Variants in DDX54 observed in about 807,000 individuals in gnomAD.
DDX54 encodes the protein ATP-dependent RNA helicase DDX54.
In DDX54, 67 loss-of-function variants were observed where a neutral mutation model predicts 105.5. The ratio of observed to expected loss-of-function variants is 0.64; its 90% CI spans 0.52 to 0.78. The LOEUF (loss-of-function observed/expected upper bound fraction) is 0.78, where lower values mean the gene tolerates loss of function less well. Ranked by LOEUF, DDX54 falls within the 30% of genes least tolerant of loss-of-function variation. The probability of loss-of-function intolerance (pLI) is 0.00; values close to 1 mark genes in which losing one functional copy is unlikely to be tolerated. For synonymous variants in DDX54, 514 were observed against 509.9 expected, an observed-to-expected ratio of 1.01 and a Z score of -0.11; for missense variants, 1,206 against 1,230.5, an observed-to-expected ratio of 0.98 and a Z score of 0.30.
rs1952152843 is a variant in DDX54, at chr12:113,157,894, T to C, written c.*983A>G. On this transcript the variant is annotated 3_prime_UTR_variant, in exon 20 of 20. Coordinates refer to ENST00000306014, the MANE Select transcript of DDX54 (RefSeq NM_024072.4). Reference sequence around the variant, plus strand: ...AATGCAGGCCCTGATGAGGAGGTGATGGGAAGGTCAAGGGGCTATGTGTGG... The same window carrying C: ...AATGCAGGCCCTGATGAGGAGGTGACGGGAAGGTCAAGGGGCTATGTGTGG... 1 of 590,854 alleles carries C rather than the reference T, an allele frequency of 1.7e-6. No individual in the cohort carries two copies. The highest frequency in any genetic ancestry group is 2.9e-5 in the Admixed American group (1 of 34,792). The allele number at this position is 590,854 out of a possible 1,614,324, so 36.6% of individuals were successfully genotyped here.
In DDX54 at chr12:113,177,038, A is replaced by T; in HGVS notation, c.656+14T>A. The T allele has an allele frequency of 1.2e-6, 2 of 1,614,134 alleles. No individual in the cohort carries two copies. The highest frequency in any genetic ancestry group is 1.7e-6 in the Non-Finnish European group (2 of 1,180,020). On this transcript the variant is annotated intron_variant, in intron 6 of 19. Transcript: ENST00000306014. ...AAGGGATCTCAGGGAGTCATCCCCA[A>T]TCCACAAACTCACATGTCGGGATTT...
At chr12:113,181,958 G>A (rs1476204362) in intron 1 of DDX54, among the ~76,000 whole-genome samples, 1 of 151,550 alleles carries the variant, frequency 6.6e-6, no homozygotes, top group Non-Finnish European at 1.5e-5. Flanking sequence ...TCCCAGACTA[G>A]CCTGGGCAAC....
rs373845756 is a variant in DDX54, at chr12:113,162,027, G to A, written c.2196-30C>T. ...AGGAGAGGGAGTTGGGACGGCTGCC[G>A]TGGAGGGAAACCCTTGGAGTGCCGG... On this transcript the variant is annotated intron_variant, in intron 17 of 19. Transcript: ENST00000306014. 1.6e-5 allele frequency: 26 copies of A among 1,605,874 alleles called. No homozygotes were observed. The African/African-American group carries it at 2.8e-4, about 17-fold the overall frequency.
intron 14 of DDX54, among the ~76,000 whole-genome samples, chr12:113,165,131 G>A (rs967424794): frequency 3.9e-5 from 6 of 152,130 alleles, no homozygotes; most frequent in African/African-American, 1.2e-4. Flanking sequence ...CTTCAAAACC[G>A]GTGCTCTTAA....
chr12:113,161,382 G>A lies in DDX54; in HGVS notation c.2301C>T (p.Leu767=), dbSNP rs763025089. The A allele has an allele frequency of 2.4e-5, 38 of 1,611,078 alleles. No individual in the cohort carries two copies. Among genetic ancestry groups the A allele is most frequent in the Non-Finnish European group, 3.2e-5 (38 of 1,178,430 alleles). ...TCTGTTTCTGTTTCCACTTCTGATA[G>A]CTGGGAAACCTCGTTAAGGAAGCTG... ...RYISSSYKRD[L]YQKWKQKQKI... is the part of the protein sequence containing the mutation. Residue 767 remains leucine (L), a splice_region_variant and synonymous_variant, in exon 19 of 20, where the codon CTC becomes CTT. Coordinates refer to ENST00000306014, the MANE Select transcript of DDX54 (RefSeq NM_024072.4).
chr12:113,157,254 G>A lies in DDX54; in HGVS notation c.*1623C>T, dbSNP rs1197547575. On this transcript the variant is annotated 3_prime_UTR_variant, in exon 20 of 20. Coordinates refer to ENST00000306014, the MANE Select transcript of DDX54 (RefSeq NM_024072.4). ...TTAAAACAAAAGGAGAGCCACCCAC[G>A]GAGATAAGAGTAGGTCACAAACCAA... is the stretch of plus-strand genomic sequence containing the variant. The A allele has an allele frequency of 1.1e-5, 3 of 262,054 alleles. No individual in the cohort carries two copies. The highest frequency in any genetic ancestry group is 4.9e-5 in the Admixed American group (1 of 20,354). 16.2% of individuals were successfully genotyped at this position (262,054 alleles called of 1,614,324 possible).
In DDX54 at chr12:113,174,633, T is replaced by C. The variant is rs1566098260; in HGVS notation, c.1068+7A>G. 1.3e-5 allele frequency: 21 copies of C among 1,610,826 alleles called. No homozygotes were observed. Among genetic ancestry groups the C allele is most frequent in the Non-Finnish European group, 1.8e-5 (21 of 1,177,384 alleles). On this transcript the variant is annotated splice_region_variant and intron_variant, in intron 10 of 19. Transcript: ENST00000306014. ...GAGGTGCTCCTCCCACTCAGGACCC[T>C]GCTCACCTCAGTGAGGTACTCGGCG...
chr12:113,157,584 C>A lies in DDX54; in HGVS notation c.*1293G>T. ...TGACTCTGGGGCTGGGATGTGACTT[C>A]GTGCTGGGCCCCCCCAGGTGAAGCT... On this transcript the variant is annotated 3_prime_UTR_variant, in exon 20 of 20. Coordinates refer to ENST00000306014, the MANE Select transcript of DDX54 (RefSeq NM_024072.4). 6.4e-7 allele frequency: 1 copy of A among 1,550,842 alleles called. No homozygotes were observed. Among genetic ancestry groups the A allele is most frequent in the African/African-American group, 1.4e-5 (1 of 73,176 alleles).
chr12:113,157,265 T>G lies in DDX54; in HGVS notation c.*1612A>C. The G allele has an allele frequency of 3.4e-6, 1 of 294,858 alleles. No individual in the cohort carries two copies. 18.3% of individuals were successfully genotyped at this position (294,858 alleles called of 1,614,324 possible). ...GGAGAGCCACCCACGGAGATAAGAG[T>G]AGGTCACAAACCAATGAATATGACT... On this transcript the variant is annotated 3_prime_UTR_variant, in exon 20 of 20. Coordinates refer to ENST00000306014, the MANE Select transcript of DDX54 (RefSeq NM_024072.4).
In DDX54 at chr12:113,177,416, A is replaced by C. The variant is rs1436790586; in HGVS notation, c.615-323T>G. ...CAGTGCCCCCAGCAACTAACCCCAG[A>C]ACTACCAGCCCCAACTAGAACCCAG... On this transcript the variant is annotated intron_variant, in intron 5 of 19. Transcript: ENST00000306014. 1.3e-5 allele frequency: 4 copies of C among 302,872 alleles called. No individual in the cohort carries two copies. In the East Asian group the frequency reaches 2.6e-4, roughly 19 times the overall value. The allele number at this position is 302,872 out of a possible 1,614,324, so 18.8% of individuals were successfully genotyped here.
At chr12:113,168,342 C>T (rs563384505) in intron 12 of DDX54, among the ~76,000 whole-genome samples, 6 of 152,328 alleles carry the variant, frequency 3.9e-5, no homozygotes, top group South Asian at 2.1e-4. Context: ...CGGAGGAAGC[C>T]GCCTCAGCTC....
In DDX54 at chr12:113,158,917, C is replaced by A; in HGVS notation, c.2606G>T (p.Gly869Val). The part of the protein sequence containing the change: ...QELQQGAFGR[G>V]ARSKKGKMRK... ...CATCTTGCCCTTCTTGGAGCGGGCACCCCGGCCGAAGGCGCCCTGCTGCAG... is the reference window on the plus strand; with the variant it reads ...CATCTTGCCCTTCTTGGAGCGGGCAACCCGGCCGAAGGCGCCCTGCTGCAG... Residue 869 changes from glycine to valine, a missense_variant, in exon 20 of 20, where the codon GGT becomes GTT. Physicochemically the swap from Gly to Val is moderately radical, Grantham distance 109. Around this residue, in one of 3 missense-constraint regions of DDX54, gnomAD observed 961 missense variants for 1,019.1 expected, o/e 0.94. Coordinates refer to ENST00000306014, the MANE Select transcript of DDX54 (RefSeq NM_024072.4). This position sits in a 1 kb window ranked among gnomAD's most constrained non-coding sequence, Gnocchi z 4.9. 2.5e-6 allele frequency: 4 copies of A among 1,608,664 alleles called. No individual in the cohort carries two copies. The highest frequency in any genetic ancestry group is 2.7e-5 in the African/African-American group (2 of 74,968).
intron 12 of DDX54, among the ~76,000 whole-genome samples, chr12:113,168,227 G>A (rs900995572): frequency 6.6e-6 from 1 of 152,242 alleles, no homozygotes; most frequent in African/African-American, 2.4e-5. Context: ...AGGGGGCCGT[G>A]GCCTGGACAG....
rs965942490 is a variant in DDX54 at position 113,175,106 on chromosome 12, G to A, written c.804C>T (p.Leu268=). The A allele has an allele frequency of 2.5e-6, 4 of 1,613,744 alleles. No individual in the cohort carries two copies. Among genetic ancestry groups the A allele is most frequent in the Non-Finnish European group, 3.4e-6 (4 of 1,179,996 alleles). Residue 268 remains leucine (L), a synonymous_variant, in exon 8 of 20, where the codon CTC becomes CTT. Transcript: ENST00000306014. The stretch of plus-strand genomic sequence containing the variant: ...ACAGCACCGTCTGGTGGCCCCCGGG[G>A]AGGCGGGCGATGATCTCCTGCAGCT... The part of the protein sequence containing the change: ...AEQLQEIIAR[L]PGGHQTVLFS...
rs1159160888 is a variant in DDX54, at chr12:113,171,407, C to T, written c.1279+946G>A. ...ACTTGAGGTTAGGAGTTCAAGACCA[C>T]CTTGGCCAACATGGTGAAACCCCTG... On this transcript the variant is annotated intron_variant, in intron 11 of 19. Transcript: ENST00000306014. 2.0e-5 allele frequency among the ~76,000 whole-genome samples: 3 copies of T among 151,912 alleles called. No homozygotes were observed. The East Asian group carries it at 5.8e-4, about 29-fold the overall frequency.
chr12:113,169,669 C>G, intron 12 of DDX54, 101 bp downstream of exon 12: 6 of 1,331,008 alleles, frequency 4.5e-6, no homozygotes, highest in Non-Finnish European at 6.2e-6. Context: ...TAAAAGGAAT[C>G]ATCTTCTGCT....
At position 113,161,926 on chromosome 12, in the gene DDX54, C is replaced by T. The variant is rs1220970318; in HGVS notation, c.2267G>A (p.Gly756Asp). ...CTTGTAGGAGCTGCTGATGTAGCGG[C>T]CGCTCTCTGTCTTAATCTTCTTCTT... is the stretch of plus-strand genomic sequence containing the variant. Reference protein sequence around the residue: ...EDKKKIKTESGRYISSSYKRD... With the variant: ...EDKKKIKTESDRYISSSYKRD... Residue 756 changes from glycine to aspartate, a missense_variant, in exon 18 of 20, where the codon GGC becomes GAC. Around this residue, in one of 3 missense-constraint regions of DDX54, gnomAD observed 961 missense variants for 1,019.1 expected, o/e 0.94. Transcript: ENST00000306014. 2 of 1,612,966 alleles carry T rather than the reference C, an allele frequency of 1.2e-6. No individual in the cohort carries two copies. Among genetic ancestry groups the T allele is most frequent in the Non-Finnish European group, 1.7e-6 (2 of 1,179,904 alleles).
At position 113,179,302 on chromosome 12, in the gene DDX54, G is replaced by A. The variant is rs149938686; in HGVS notation, c.405C>T (p.Asp135=). 83 of 1,613,662 alleles carry A rather than the reference G, an allele frequency of 5.1e-5. No homozygotes were observed. Among genetic ancestry groups the A allele is most frequent in the Admixed American group, 1.2e-4 (7 of 59,992 alleles). ...KTIPVILDGK[D]VVAMARTGSG... ...TGCCCGTCCGGGCCATGGCCACCAC[G>A]TCCTTGCCATCCAAGATCACCGGGA... The change falls in exon 4 of 20, where the codon GAC becomes GAT. Residue 135 remains aspartate (D), a synonymous_variant. Coordinates refer to ENST00000306014, the MANE Select transcript of DDX54 (RefSeq NM_024072.4).
chr12:113,158,858 CG>C lies in DDX54; in HGVS notation c.*18del, dbSNP rs766502456. 3.4e-5 allele frequency: 54 copies of C among 1,572,734 alleles called. No individual in the cohort carries two copies. Among genetic ancestry groups the C allele is most frequent in the Non-Finnish European group, 4.5e-5 (52 of 1,153,840 alleles). On this transcript the variant is annotated 3_prime_UTR_variant, in exon 20 of 20. Coordinates refer to ENST00000306014, the MANE Select transcript of DDX54 (RefSeq NM_024072.4). The surrounding 1 kb of genome is among the most constrained non-coding windows in gnomAD (Gnocchi z 4.9). ...CACCCTAAGGCCAATCAAGGAGCCA[CG>C]GGGCTGGGTCCTGGTCCTCACATCC... is the stretch of plus-strand genomic sequence containing the variant.
Sources: allele counts gnomAD v4.1 joint callset (sites outside exome capture counted in the v4.1 genomes callset), GRCh38; gene constraint gnomAD v4.1.1; regional missense constraint gnomAD v4.1.1; non-coding constraint Gnocchi (gnomAD v3.1); transcripts MANE v1.5; gene names NCBI Gene and HGNC (gene_info 2026-07-23, HGNC 2026-07-21).